The following RPS23 variants were observed in gnomAD, a reference collection of about 807,000 sequenced individuals.
The protein encoded by RPS23 is small ribosomal subunit protein uS12.
For synonymous variants in RPS23, 66 were observed against 60.4 expected, an observed-to-expected ratio of 1.09 and a Z score of -0.43; for missense variants, 73 against 174.5, an observed-to-expected ratio of 0.42 and a Z score of 3.28.
chr5:82,275,455 A>G lies in RPS23; in HGVS notation c.*654T>C. 1.6e-6 allele frequency: 1 copy of G among 635,590 alleles called. No individual in the cohort carries two copies. The highest frequency in any genetic ancestry group is 1.8e-5 in the South Asian group (1 of 54,554). 39.4% of individuals were successfully genotyped at this position (635,590 alleles called of 1,614,324 possible). On this transcript the variant is annotated 3_prime_UTR_variant, in exon 4 of 4. Coordinates refer to ENST00000296674, the MANE Select transcript of RPS23 (RefSeq NM_001025.5). ...TGACAACCTCATGAGAAGATACTGAAAACATCAGTCTTGTCGTATACCTTA... is the reference window on the plus strand; with the variant it reads ...TGACAACCTCATGAGAAGATACTGAGAACATCAGTCTTGTCGTATACCTTA...
Position 82,277,524 on chromosome 5 carries a change from C to G in RPS23, c.164+169G>C. On this transcript the variant is annotated intron_variant, in intron 2 of 3. Transcript: ENST00000296674. ...ACCTTAACTACCTAATTCCCAAAAA[C>G]TAATTTTACCAACTTTTAAATAGAA... 3 of 720,002 alleles carry G rather than the reference C, an allele frequency of 4.2e-6. No individual in the cohort carries two copies. The South Asian group carries it at 4.8e-5, about 11-fold the overall frequency. 44.6% of individuals were successfully genotyped at this position (720,002 alleles called of 1,614,324 possible).
In RPS23 at chr5:82,276,422, A is replaced by G. The variant is rs2112048144; in HGVS notation, c.261T>C (p.Asn87=). Residue 87 remains asparagine (N), a synonymous_variant, in exon 3 of 4, where the codon AAT becomes AAC. Coordinates refer to ENST00000296674, the MANE Select transcript of RPS23 (RefSeq NM_001025.5). ...NGKKITAFVP[N]DGCLNFIEEN... is the part of the protein sequence containing the mutation. The stretch of plus-strand genomic sequence containing the variant: ...CCTCAATAAAGTTCAAGCAACCGTC[A>G]TTGGGTACAAAGGCTGTGATTTTCT... The G allele has an allele frequency of 6.2e-7, 1 of 1,614,014 alleles. No homozygotes were observed. Among genetic ancestry groups the G allele is most frequent in the Non-Finnish European group, 8.5e-7 (1 of 1,179,894 alleles).
Position 82,275,762 on chromosome 5 carries a change from A to G in RPS23, c.*347T>C, listed in dbSNP as rs907205583. On this transcript the variant is annotated 3_prime_UTR_variant, in exon 4 of 4. Coordinates refer to ENST00000296674, the MANE Select transcript of RPS23 (RefSeq NM_001025.5). The stretch of plus-strand genomic sequence containing the variant: ...AAATACCAAGAATAAAAAAGAAAGT[A>G]TCTCACTAGAATTTCAGTGAGTTTT... 1 of 261,552 alleles carries G rather than the reference A, an allele frequency of 3.8e-6. No individual in the cohort carries two copies. The highest frequency in any genetic ancestry group is 7.2e-6 in the Non-Finnish European group (1 of 139,564). The allele number at this position is 261,552 out of a possible 1,614,324, so 16.2% of individuals were successfully genotyped here.
chr5:82,277,695 T>G lies in RPS23; in HGVS notation c.162A>C (p.Lys54Asn). The change falls in exon 2 of 4, where the codon AAA (lysine) becomes AAC (asparagine). Residue 54 changes from lysine to asparagine, a missense_variant and splice_region_variant. By Grantham distance (94) the Lys-to-Asn change is moderately conservative (BLOSUM62 0). Transcript: ENST00000296674. ...ASHAKGIVLE[K>N]VGVEAKQPNS... Reference sequence around the variant, plus strand: ...CTTGACGGGAGCAATGGACTTACACTTTTTCCAGCACGATTCCTTTTGCAT... The same window carrying G: ...CTTGACGGGAGCAATGGACTTACACGTTTTCCAGCACGATTCCTTTTGCAT... The G allele has an allele frequency of 1.9e-6, 3 of 1,613,768 alleles. No homozygotes were observed. The highest frequency in any genetic ancestry group is 2.5e-6 in the Non-Finnish European group (3 of 1,179,758).
chr5:82,278,198 C>A, intron 1 of RPS23, 122 bp downstream of exon 1: 1 of 1,000,368 alleles, frequency 1.0e-6, no homozygotes, highest in Non-Finnish European at 1.5e-6. Flanking sequence ...GGCGCTTCCC[C>A]GGCCCTCCCC....
intron 2 of RPS23, chr5:82,277,338 C>A: frequency 3.2e-6 from 1 of 314,626 alleles, no homozygotes; most frequent in Non-Finnish European, 6.0e-6. Flanking sequence ...AATTCTGATG[C>A]AAGTCACTTC....
chr5:82,276,042 G>T lies in RPS23; in HGVS notation c.*67C>A. 1 of 1,435,400 alleles carries T rather than the reference G, an allele frequency of 7.0e-7. No individual in the cohort carries two copies. The highest frequency in any genetic ancestry group is 9.6e-7 in the Non-Finnish European group (1 of 1,041,586). The allele number at this position is 1,435,400 out of a possible 1,614,324, so 88.9% of individuals were successfully genotyped here. ...CATGATCTTCGTGGTGAGAACAGGG[G>T]ACAGTAAGATACAAACATTTTTTGG... On this transcript the variant is annotated 3_prime_UTR_variant, in exon 4 of 4. Coordinates refer to ENST00000296674, the MANE Select transcript of RPS23 (RefSeq NM_001025.5).
chr5:82,278,213 GAGCCTCTCCAT>G, intron 1 of RPS23, 96 bp downstream of exon 1: 1 of 1,125,584 alleles, frequency 8.9e-7, no homozygotes, highest in Non-Finnish European at 1.3e-6. Flanking sequence ...CTCCCCCATG[GAGCCTCTCCAT>G]GGCATCCCCC....
intron 1 of RPS23, 111 bp downstream of exon 1, chr5:82,278,209 C>T (rs1748000744): frequency 1.9e-6 from 2 of 1,056,388 alleles, no homozygotes; most frequent in Middle Eastern, 2.1e-4. Flanking sequence ...GGCCCTCCCC[C>T]ATGGAGCCTC....
rs1350055107 is a variant in RPS23 at position 82,274,904 on chromosome 5, T to TCTA, written c.*1204_*1205insTAG. 1 of 313,038 alleles carries TCTA rather than the reference T, an allele frequency of 3.2e-6. No homozygotes were observed. The highest frequency in any genetic ancestry group is 2.1e-5 in the African/African-American group (1 of 47,254). The allele number at this position is 313,038 out of a possible 1,614,324, so 19.4% of individuals were successfully genotyped here. On this transcript the variant is annotated 3_prime_UTR_variant, in exon 4 of 4. Coordinates refer to ENST00000296674, the MANE Select transcript of RPS23 (RefSeq NM_001025.5). ...GCTGGAAAACACACGAGCTCTTTAG[T>TCTA]AAGAGCAGGCGACATGCAAGGAACC... is the stretch of plus-strand genomic sequence containing the variant.
At chr5:82,277,943 C>A in intron 1 of RPS23, 91 bp from the exon 2 acceptor site, 1 of 1,194,878 alleles carries the variant, frequency 8.4e-7, no homozygotes, top group Non-Finnish European at 1.2e-6. Context: ...GGAATAAACC[C>A]TTAAGCCGAT....
chr5:82,278,111 G>A (rs1253655826), intron 1 of RPS23: 1 of 692,654 alleles, frequency 1.4e-6, no homozygotes, highest in Admixed American at 3.0e-5. Context: ...GCCTCCCTGC[G>A]TCCCTCGGTA....
intron 2 of RPS23, 153 bp from the exon 3 acceptor site, chr5:82,276,671 G>T: frequency 2.2e-6 from 2 of 903,224 alleles, no homozygotes; most frequent in Non-Finnish European, 3.3e-6. Flanking sequence ...CTAGTTTTCT[G>T]CCAGTCTTAA....
Position 82,274,939 on chromosome 5 carries a change from G to C in RPS23, c.*1170C>G. 2.4e-6 allele frequency: 1 copy of C among 415,924 alleles called. No individual in the cohort carries two copies. Among genetic ancestry groups the C allele is most frequent in the Non-Finnish European group, 4.4e-6 (1 of 229,514 alleles). The allele number at this position is 415,924 out of a possible 1,614,324, so 25.8% of individuals were successfully genotyped here. The stretch of plus-strand genomic sequence containing the variant: ...CGACATGCAAGGAACCATAGTAACA[G>C]GAACAGAGGTCCTGAGGCTGGATAT... On this transcript the variant is annotated 3_prime_UTR_variant, in exon 4 of 4. Transcript: ENST00000296674.
intron 2 of RPS23, chr5:82,277,234 A>AT: frequency 5.8e-6 from 1 of 172,782 alleles, no homozygotes; most frequent in Non-Finnish European, 1.2e-5. Flanking sequence ...ACCATCAAAT[A>AT]TGATAGAACT....
At position 82,273,600 on chromosome 5, in the gene RPS23, G is replaced by C. The variant is rs1053173; in HGVS notation, c.*2509C>G. The C allele has an allele frequency of 0.17, 24,827 of 146,842 alleles. 4,124 individuals carry two copies. Among genetic ancestry groups the C allele is most frequent in the African/African-American group, 0.33 (12,102 of 36,794 alleles). 9.1% of individuals were successfully genotyped at this position (146,842 alleles called of 1,614,324 possible). A position where few individuals can be genotyped will look rare whatever the true frequency, so the allele number is the denominator to read the frequency against. On this transcript the variant is annotated 3_prime_UTR_variant, in exon 4 of 4. Coordinates refer to ENST00000296674, the MANE Select transcript of RPS23 (RefSeq NM_001025.5). ...TCGTAAGTTGATTTTTAACTACTAG[G>C]TTTAGGCCAGGCAGGCCCAGGGCTG...
At position 82,275,864 on chromosome 5, in the gene RPS23, C is replaced by A. The variant is rs1747762279; in HGVS notation, c.*245G>T. 5 of 465,724 alleles carry A rather than the reference C, an allele frequency of 1.1e-5. No homozygotes were observed. The highest frequency in any genetic ancestry group is 4.2e-5 in the South Asian group (1 of 23,872). The allele number at this position is 465,724 out of a possible 1,614,324, so 28.8% of individuals were successfully genotyped here. A position where few individuals can be genotyped will look rare whatever the true frequency, so the allele number is the denominator to read the frequency against. Reference sequence around the variant, plus strand: ...CCAGATCTATCCCATTTTCTTATTCCACAGGATGAGGGAAACTGTGCCAGG... The same window carrying A: ...CCAGATCTATCCCATTTTCTTATTCAACAGGATGAGGGAAACTGTGCCAGG... On this transcript the variant is annotated 3_prime_UTR_variant, in exon 4 of 4. Transcript: ENST00000296674.
At chr5:82,276,558 G>GA (rs1218223619) in intron 2 of RPS23, 40 bp from the exon 3 acceptor site, 18 of 1,608,356 alleles carry the variant, frequency 1.1e-5, no homozygotes, top group Non-Finnish European at 1.2e-5. Context: ...CTGGCTTTCT[G>GA]AAAAAGATTA....
rs143871425 is a variant in RPS23, at chr5:82,278,347, C to T, written c.-24G>A. 365 of 1,607,188 alleles carry T rather than the reference C, an allele frequency of 2.3e-4. 2 individuals are homozygous for T. In the African/African-American group the frequency reaches 3.4e-3, roughly 15 times the overall value. ...ATCCTGTCGGCGCCACGGGCCTGAG[C>T]GAAAGAGAGAAGCACCGCAGGAAGG... On this transcript the variant is annotated 5_prime_UTR_variant, in exon 1 of 4. Coordinates refer to ENST00000296674, the MANE Select transcript of RPS23 (RefSeq NM_001025.5).
Sources: gnomAD v4.1 joint callset for allele counts on GRCh38, gnomAD v4.1.1 for gene constraint, MANE v1.5 for transcripts, NCBI Gene and HGNC (gene_info 2026-07-23, HGNC 2026-07-21) for gene names.